The following CFAP90 variants were observed in gnomAD, a reference collection of about 807,000 sequenced individuals.
The protein encoded by CFAP90 is cilia and flagella associated protein 90, also known as cilia- and flagella-associated protein 90.
At chr5:7,830,503 A>G in the CFAP90 span, 1 of 152,246 alleles carries the variant, frequency 6.6e-6, no homozygotes, top group Non-Finnish European at 1.5e-5. Flanking sequence ...CTATTATGTT[A>G]CTATAAATAT....
chr5:7,835,320 T>A, the CFAP90 span: 1 of 881,044 alleles, frequency 1.1e-6, no homozygotes, highest in Non-Finnish European at 1.8e-6. Context: ...TAAAACTAGA[T>A]ATGCCTCTAT....
chr5:7,848,332 T>A, the CFAP90 span, among the ~76,000 whole-genome samples: 1 of 152,016 alleles, frequency 6.6e-6, no homozygotes, highest in Non-Finnish European at 1.5e-5. Flanking sequence ...ATGTCCCTTT[T>A]CCCCCTGTCC....
At chr5:7,848,844 G>A in the CFAP90 span, among the ~76,000 whole-genome samples, 2 of 152,182 alleles carry the variant, frequency 1.3e-5, no homozygotes, top group African/African-American at 4.8e-5. Context: ...GCCACGTGAA[G>A]GACATATTTA....
At chr5:7,833,848 A>G in the CFAP90 span, among the ~76,000 whole-genome samples, 1 of 152,176 alleles carries the variant, frequency 6.6e-6, no homozygotes, top group Non-Finnish European at 1.5e-5. Flanking sequence ...TCACCTAAGG[A>G]TGTCATAACT....
At chr5:7,846,571 T>C in the CFAP90 span, among the ~76,000 whole-genome samples, 1 of 152,192 alleles carries the variant, frequency 6.6e-6, no homozygotes, top group African/African-American at 2.4e-5. Flanking sequence ...TCCACCTTCA[T>C]GTCCTCATCA....
the CFAP90 span, among the ~76,000 whole-genome samples, chr5:7,842,251 GA>G: frequency 6.7e-6 from 1 of 149,948 alleles, no homozygotes; most frequent in Non-Finnish European, 1.5e-5. Flanking sequence ...CTCCCTTTCA[GA>G]GTATTTAAAG....
At chr5:7,847,425 G>A in the CFAP90 span, among the ~76,000 whole-genome samples, 2 of 140,044 alleles carry the variant, frequency 1.4e-5, no homozygotes, top group African/African-American at 5.5e-5. Context: ...CCTTCCAGAA[G>A]GTAGTGATAC....
At chr5:7,835,572 G>C in the CFAP90 span, 2 of 826,632 alleles carry the variant, frequency 2.4e-6, no homozygotes, top group Non-Finnish European at 3.9e-6. Flanking sequence ...GGAGCACAGA[G>C]GCCAGTTCTT....
chr5:7,841,214 C>A, the CFAP90 span, among the ~76,000 whole-genome samples: 3 of 152,006 alleles, frequency 2.0e-5, no homozygotes, highest in Non-Finnish European at 2.9e-5. Context: ...ATGTGGCCAA[C>A]AAACATGAAA....
At chr5:7,846,510 G>A in the CFAP90 span, among the ~76,000 whole-genome samples, 2 of 152,202 alleles carry the variant, frequency 1.3e-5, no homozygotes, top group African/African-American at 4.8e-5. Flanking sequence ...GAGGGGCGAG[G>A]GAGCTCTCTG....
At chr5:7,842,749 AGCCCGTTGGTGCACCT>A in the CFAP90 span, among the ~76,000 whole-genome samples, 2 of 152,218 alleles carry the variant, frequency 1.3e-5, no homozygotes, top group African/African-American at 4.8e-5. Flanking sequence ...TATTATGTTA[AGCCCGTTGGTGCACCT>A]ATGTTTAACA....
the CFAP90 span, among the ~76,000 whole-genome samples, chr5:7,832,269 C>T: frequency 4.6e-5 from 7 of 152,080 alleles, no homozygotes; most frequent in Admixed American, 1.3e-4. Flanking sequence ...GAAACTGTGC[C>T]GGACCATTTG....
chr5:7,847,981 C>G, the CFAP90 span, among the ~76,000 whole-genome samples: 1 of 152,256 alleles, frequency 6.6e-6, no homozygotes, highest in Non-Finnish European at 1.5e-5. Flanking sequence ...TATTTCCTTT[C>G]AACATAACAG....
At chr5:7,851,034 C>T in the CFAP90 span, 13 of 1,243,270 alleles carry the variant, frequency 1.0e-5, no homozygotes, top group Non-Finnish European at 1.2e-5. Flanking sequence ...CGCCACCGTC[C>T]AGCGCCCCCG....
the CFAP90 span, among the ~76,000 whole-genome samples, chr5:7,845,857 C>T: frequency 6.6e-6 from 1 of 151,720 alleles, no homozygotes; most frequent in Non-Finnish European, 1.5e-5. Flanking sequence ...AATAAGTGTG[C>T]AGCCTTCAGT....
chr5:7,846,543 A>G, the CFAP90 span, among the ~76,000 whole-genome samples: 3 of 152,054 alleles, frequency 2.0e-5, no homozygotes, highest in Admixed American at 6.6e-5. Context: ...CAAGGGTGAT[A>G]ATACCATTCA....
At chr5:7,844,118 C>G in the CFAP90 span, among the ~76,000 whole-genome samples, 2 of 152,078 alleles carry the variant, frequency 1.3e-5, no homozygotes, top group African/African-American at 2.4e-5. Flanking sequence ...TTGGGCTCAG[C>G]CCCCCGACCA....
chr5:7,831,918 C>A, the CFAP90 span: 4 of 1,614,172 alleles, frequency 2.5e-6, no homozygotes, highest in South Asian at 3.3e-5. Context: ...CTGTAGAAGT[C>A]AGCCTGCACA....
At chr5:7,850,866 G>A in the CFAP90 span, 24 of 1,309,030 alleles carry the variant, frequency 1.8e-5, no homozygotes, top group South Asian at 3.1e-5. Flanking sequence ...CCCAGTCCGC[G>A]GTCCTCACCC....
Sources: allele counts gnomAD v4.1 joint callset (sites outside exome capture counted in the v4.1 genomes callset), GRCh38; gene constraint gnomAD v4.1.1; transcripts MANE v1.5; gene names NCBI Gene and HGNC (gene_info 2026-07-23, HGNC 2026-07-21).